Variants in PRKCE observed in about 807,000 individuals in gnomAD.
The protein encoded by PRKCE is protein kinase C epsilon type.
A neutral mutation model predicts 85.4 loss-of-function variants in PRKCE; 16 were observed. The observed-to-expected ratio is 0.19, with a 90% CI of 0.13 to 0.28. The LOEUF (loss-of-function observed/expected upper bound fraction) is 0.28. PRKCE is among the 10% of genes least tolerant of loss of function. PRKCE has a pLI of 1.00. For missense variants in PRKCE, 573 were observed against 975.2 expected (o/e 0.59, Z 5.49); for synonymous variants, 388 against 371.5 (o/e 1.04, Z -0.51).
At chr2:45,914,611 T>C (rs762791222) in intron 2 of PRKCE, among the ~76,000 whole-genome samples, 44 of 152,196 alleles carry the variant, frequency 2.9e-4, no homozygotes, top group Non-Finnish European at 4.7e-4. Flanking sequence ...AGGTTCCTCT[T>C]CCTCTCCCTG....
At chr2:45,780,470 G>A (rs1012911251) in intron 1 of PRKCE, among the ~76,000 whole-genome samples, 1 of 152,190 alleles carries the variant, frequency 6.6e-6, no homozygotes, top group Non-Finnish European at 1.5e-5. Context: ...AATTAGATTT[G>A]ATTTCTTGGC....
At chr2:45,731,684 T>C (rs1681590812) in intron 1 of PRKCE, among the ~76,000 whole-genome samples, 1 of 147,174 alleles carries the variant, frequency 6.8e-6, no homozygotes, top group Non-Finnish European at 1.5e-5. Context: ...AGTGCAGTGG[T>C]GCAAACATTG....
intron 2 of PRKCE, among the ~76,000 whole-genome samples, chr2:45,947,947 A>G (rs72802832): frequency 1.3e-5 from 2 of 152,184 alleles, no homozygotes; most frequent in African/African-American, 4.8e-5. Flanking sequence ...AGAACTACGT[A>G]TATGTGAAGT....
chr2:46,122,978 A>G (rs1438241550), intron 11 of PRKCE, among the ~76,000 whole-genome samples: 1 of 148,612 alleles, frequency 6.7e-6, no homozygotes, highest in Non-Finnish European at 1.5e-5. Flanking sequence ...TTTTTTATGT[A>G]AAACTGAGTT....
intron 2 of PRKCE, among the ~76,000 whole-genome samples, chr2:45,856,962 A>G (rs1692728212): frequency 6.6e-6 from 1 of 152,192 alleles, no homozygotes; most frequent in African/African-American, 2.4e-5. Flanking sequence ...TCAGATGGGA[A>G]TTTAGGTTGA....
chr2:46,106,424 C>T (rs1671723704), intron 11 of PRKCE, among the ~76,000 whole-genome samples: 1 of 152,206 alleles, frequency 6.6e-6, no homozygotes, highest in Non-Finnish European at 1.5e-5. Flanking sequence ...GTGGGAAAAA[C>T]TTTATCAACT....
At position 46,138,269 on chromosome 2, in the gene PRKCE, A is replaced by G; in HGVS notation, c.1593-6824A>G. Among the ~76,000 whole-genome samples, 1 of 152,186 alleles carries G rather than the reference A, an allele frequency of 6.6e-6. No homozygotes were observed. Among genetic ancestry groups the G allele is most frequent in the South Asian group, 2.1e-4 (1 of 4,822 alleles). ...CCTCACCACAAAGATTTCTTTTCCC[A>G]GCCCAGAGGAATTTTAGTCCAAGCA... On this transcript the variant is annotated intron_variant, in intron 11 of 14. Transcript: ENST00000306156. This position sits in a 1 kb window ranked among gnomAD's most constrained non-coding sequence, Gnocchi z 4.2.
chr2:45,723,064 G>T (rs749032512), intron 1 of PRKCE, among the ~76,000 whole-genome samples: 1 of 152,192 alleles, frequency 6.6e-6, no homozygotes, highest in Non-Finnish European at 1.5e-5. Flanking sequence ...TCACACCATT[G>T]CACTCCAGCC....
rs574233268 is a variant in PRKCE, at chr2:45,946,458, A to G, written c.413-29971A>G. On this transcript the variant is annotated intron_variant, in intron 2 of 14. Coordinates refer to ENST00000306156, the MANE Select transcript of PRKCE (RefSeq NM_005400.3). ...GCAGGTACAATGGAAACATCTGTCT[A>G]TTTGATGGGAGAGAATGCAAAGGCC... 3.9e-5 allele frequency among the ~76,000 whole-genome samples: 6 copies of G among 152,280 alleles called. No individual in the cohort carries two copies. The South Asian group carries it at 1.2e-3, about 32-fold the overall frequency.
intron 2 of PRKCE, among the ~76,000 whole-genome samples, chr2:45,896,946 T>C (rs1313134302): frequency 3.3e-5 from 5 of 152,024 alleles, no homozygotes; most frequent in Non-Finnish European, 4.4e-5. Flanking sequence ...TAGCTGAATA[T>C]TTCCGCCTGT....
At chr2:46,026,935 C>G (rs1280145140) in intron 10 of PRKCE, among the ~76,000 whole-genome samples, 1 of 152,152 alleles carries the variant, frequency 6.6e-6, no homozygotes, top group Non-Finnish European at 1.5e-5. Flanking sequence ...TGTCTGTAGT[C>G]CCAACATTGG....
intron 6 of PRKCE, among the ~76,000 whole-genome samples, chr2:45,993,991 T>A (rs532811543): frequency 1.6e-4 from 24 of 152,130 alleles, no homozygotes; most frequent in African/African-American, 5.8e-4. Flanking sequence ...AGTAGCTCAG[T>A]TGAACTGTCC....
chr2:45,829,971 G>T (rs945327014), intron 1 of PRKCE, among the ~76,000 whole-genome samples: 4 of 151,170 alleles, frequency 2.6e-5, no homozygotes, highest in Admixed American at 6.6e-5. Context: ...TACTCGGGAG[G>T]CTGAGGCAGG....
At chr2:46,134,809 G>A (rs1019215238) in intron 11 of PRKCE, among the ~76,000 whole-genome samples, 3 of 152,240 alleles carry the variant, frequency 2.0e-5, no homozygotes, top group Non-Finnish European at 1.5e-5. Flanking sequence ...AGGGGAACTA[G>A]GTGTAAGTGT....
At chr2:45,703,772 A>T (rs746734951) in intron 1 of PRKCE, among the ~76,000 whole-genome samples, 4 of 152,226 alleles carry the variant, frequency 2.6e-5, no homozygotes, top group Non-Finnish European at 5.9e-5. Context: ...TTAAAAGACA[A>T]TAATTGGGCT....
chr2:45,948,912 T>G (rs2104308442), intron 2 of PRKCE, among the ~76,000 whole-genome samples: 1 of 152,364 alleles, frequency 6.6e-6, no homozygotes, highest in South Asian at 2.1e-4. Flanking sequence ...TTTTATAGAT[T>G]TATCTGTGAT....
At chr2:45,940,124 G>A (rs1031343920) in intron 2 of PRKCE, among the ~76,000 whole-genome samples, 1 of 152,172 alleles carries the variant, frequency 6.6e-6, no homozygotes, top group Non-Finnish European at 1.5e-5. Context: ...ATTGGCATCA[G>A]CAATGCAAAT....
chr2:46,030,479 A>G (rs376627956), intron 10 of PRKCE, among the ~76,000 whole-genome samples: 35 of 152,250 alleles, frequency 2.3e-4, no homozygotes, highest in East Asian at 1.4e-3. Flanking sequence ...GACTGAAAGG[A>G]CAGAAGACAA....
intron 1 of PRKCE, among the ~76,000 whole-genome samples, chr2:45,721,303 T>TG (rs1680599959): frequency 6.6e-6 from 1 of 152,106 alleles, no homozygotes; most frequent in South Asian, 2.1e-4. Context: ...CCACATTGCC[T>TG]TGGGGAAGCA....
Sources: gnomAD v4.1 joint callset for allele counts (sites outside exome capture counted in the v4.1 genomes callset) on GRCh38, gnomAD v4.1.1 for gene constraint, Gnocchi (gnomAD v3.1) non-coding constraint, MANE v1.5 for transcripts, NCBI Gene and HGNC (gene_info 2026-07-23, HGNC 2026-07-21) for gene names.